PTPRD: variants seen among roughly 807,000 people sequenced by gnomAD.
The protein encoded by PTPRD is protein tyrosine phosphatase receptor type D, also known as receptor-type tyrosine-protein phosphatase delta.
PTPRD carries 34 observed loss-of-function variants against 214.5 expected under a neutral mutation model. The ratio of observed to expected loss-of-function variants is 0.16; its 90% CI spans 0.12 to 0.21. PTPRD has a LOEUF of 0.21. PTPRD is among the 10% of genes least tolerant of loss of function. The probability of loss-of-function intolerance (pLI) is 1.00; values close to 1 mark genes in which losing one functional copy is unlikely to be tolerated. For missense variants in PTPRD, 2,545 were observed against 2,398.7 expected, an observed-to-expected ratio of 1.06 and a Z score of -1.27; for synonymous variants, 1,128 against 845.7, an observed-to-expected ratio of 1.33 and a Z score of -5.79.
intron 10 of PTPRD, among the ~76,000 whole-genome samples, chr9:9,075,403 G>A (rs532443243): frequency 1.5e-4 from 22 of 151,394 alleles, no homozygotes; most frequent in African/African-American, 2.9e-4. Flanking sequence ...ATTCGATATC[G>A]GTATTATTTA....
chr9:10,031,811 T>C (rs2097085033), intron 4 of PTPRD, among the ~76,000 whole-genome samples: 1 of 151,582 alleles, frequency 6.6e-6, no homozygotes, highest in Admixed American at 6.6e-5. Flanking sequence ...ACACAATGTA[T>C]CTGTATTTCA....
At chr9:9,241,564 C>T (rs1407352645) in intron 9 of PTPRD, among the ~76,000 whole-genome samples, 5 of 152,074 alleles carry the variant, frequency 3.3e-5, no homozygotes, top group Non-Finnish European at 5.9e-5. Context: ...ACATGGTTCA[C>T]GTGACTGCTT....
chr9:8,741,639 A>C (rs1382602256), intron 11 of PTPRD, among the ~76,000 whole-genome samples: 1 of 120,544 alleles, frequency 8.3e-6, no homozygotes, highest in Admixed American at 1.1e-4. Flanking sequence ...GCTGGAGTGC[A>C]GTGGTGTGAT....
At chr9:10,464,013 G>C (rs149673954) in intron 2 of PTPRD, among the ~76,000 whole-genome samples, 4 of 152,172 alleles carry the variant, frequency 2.6e-5, no homozygotes, top group African/African-American at 2.4e-5. Context: ...ATTTTAAAAA[G>C]ATAATCCTCT....
intron 3 of PTPRD, among the ~76,000 whole-genome samples, chr9:10,091,546 A>G (rs1320532837): frequency 6.6e-6 from 1 of 151,562 alleles, no homozygotes; most frequent in Non-Finnish European, 1.5e-5. Context: ...TTGGATTGGT[A>G]TCACAAAGTC....
At chr9:8,376,187 A>G in intron 38 of PTPRD, 97 bp from the exon 39 acceptor site, 1 of 1,396,762 alleles carries the variant, frequency 7.2e-7, no homozygotes, top group Non-Finnish European at 9.8e-7. Flanking sequence ...GTGCTATTTT[A>G]ATTCCTTTCT....
intron 2 of PTPRD, among the ~76,000 whole-genome samples, chr9:10,607,111 A>G (rs537998591): frequency 1.5e-4 from 23 of 152,026 alleles, no homozygotes; most frequent in African/African-American, 4.3e-4. Flanking sequence ...TATATAATCG[A>G]ATATGAAATT....
intron 5 of PTPRD, among the ~76,000 whole-genome samples, chr9:9,798,011 C>T (rs188127084): frequency 8.6e-5 from 13 of 151,980 alleles, no homozygotes; most frequent in Non-Finnish European, 1.6e-4. Context: ...CATATTTCAG[C>T]AAAATTTGAA....
At chr9:8,990,002 A>T (rs545246563) in intron 11 of PTPRD, among the ~76,000 whole-genome samples, 2 of 152,200 alleles carry the variant, frequency 1.3e-5, no homozygotes, top group South Asian at 4.1e-4. Flanking sequence ...CTATCATAAA[A>T]CCATAATAAT....
chr9:10,528,966 T>G (rs891422456), intron 2 of PTPRD, among the ~76,000 whole-genome samples: 3 of 152,190 alleles, frequency 2.0e-5, no homozygotes, highest in Non-Finnish European at 2.9e-5. Flanking sequence ...TTGACTTTTT[T>G]AATTAAGAAA....
At chr9:9,049,123 A>T (rs1204301417) in intron 10 of PTPRD, among the ~76,000 whole-genome samples, 1 of 152,186 alleles carries the variant, frequency 6.6e-6, no homozygotes, top group Non-Finnish European at 1.5e-5. Context: ...AAGACATTTT[A>T]AGTTTTTTGC....
At chr9:9,377,750 G>A (rs1205001775) in intron 9 of PTPRD, among the ~76,000 whole-genome samples, 1 of 152,002 alleles carries the variant, frequency 6.6e-6, no homozygotes, top group Non-Finnish European at 1.5e-5. Context: ...GTGGGTGGTG[G>A]GGGCTCAGGG....
At chr9:9,846,243 C>A (rs1390171093) in intron 5 of PTPRD, among the ~76,000 whole-genome samples, 2 of 151,984 alleles carry the variant, frequency 1.3e-5, no homozygotes, top group South Asian at 2.1e-4. Context: ...GCATAAAGCA[C>A]TGCAGCAAGG....
At chr9:9,943,726 T>C (rs1187179648) in intron 4 of PTPRD, among the ~76,000 whole-genome samples, 2 of 152,150 alleles carry the variant, frequency 1.3e-5, no homozygotes, top group East Asian at 1.9e-4. Flanking sequence ...TGCAGTTCTC[T>C]AGAGGAAGAG....
At position 9,936,028 on chromosome 9, in the gene PTPRD, T is replaced by G. The variant is rs968442982; in HGVS notation, c.-368+2479A>C. 2.1e-3 allele frequency among the ~76,000 whole-genome samples: 322 copies of G among 150,002 alleles called. 1 individual carries two copies. The highest frequency in any genetic ancestry group is 8.8e-3 in the Admixed American group (134 of 15,186). ...GCTGGGAAAACTGGCTAGCCATATGTAGAAAGCTGAAACTGGATCCCTTCC... is the reference window on the plus strand; with the variant it reads ...GCTGGGAAAACTGGCTAGCCATATGGAGAAAGCTGAAACTGGATCCCTTCC... On this transcript the variant is annotated intron_variant, in intron 5 of 45. Transcript: ENST00000381196.
chr9:9,845,647 G>A (rs900817136), intron 5 of PTPRD, among the ~76,000 whole-genome samples: 1 of 151,934 alleles, frequency 6.6e-6, no homozygotes, highest in Admixed American at 6.6e-5. Context: ...TTGGATTGAG[G>A]CAGGTCTAAA....
intron 4 of PTPRD, among the ~76,000 whole-genome samples, chr9:9,970,073 C>G (rs531514637): frequency 5.3e-5 from 8 of 151,856 alleles, no homozygotes; most frequent in Admixed American, 1.3e-4. Flanking sequence ...AAAAGGAGAC[C>G]GTTTGTATTT....
chr9:9,222,900 G>A (rs980561263), intron 9 of PTPRD, among the ~76,000 whole-genome samples: 1 of 151,990 alleles, frequency 6.6e-6, no homozygotes, highest in Non-Finnish European at 1.5e-5. Flanking sequence ...CTTAATGGAT[G>A]CCTCATTTAA....
In PTPRD at chr9:9,121,645, A is replaced by T. The variant is rs111600902; in HGVS notation, c.-143+61659T>A. Among the ~76,000 whole-genome samples the T allele has an allele frequency of 4.6e-3, 705 of 152,188 alleles. 8 individuals are homozygous for T. The highest frequency in any genetic ancestry group is 0.015 in the African/African-American group (642 of 41,536). Reference sequence around the variant, plus strand: ...ATGAGGACGCAGAAGCCTAAGAAGGATACAATGGACTTTGGGGACTTGGTG... The same window carrying T: ...ATGAGGACGCAGAAGCCTAAGAAGGTTACAATGGACTTTGGGGACTTGGTG... On this transcript the variant is annotated intron_variant, in intron 10 of 45. Coordinates refer to ENST00000381196, the MANE Select transcript of PTPRD (RefSeq NM_002839.4).
Sources: gnomAD v4.1 joint callset for allele counts (sites outside exome capture counted in the v4.1 genomes callset) on GRCh38, gnomAD v4.1.1 for gene constraint, MANE v1.5 for transcripts, NCBI Gene and HGNC (gene_info 2026-07-23, HGNC 2026-07-21) for gene names.